Variants in HECW2 observed in about 807,000 individuals in gnomAD.
HECW2 encodes the protein HECT, C2 and WW domain containing E3 ubiquitin protein ligase 2, also known as E3 ubiquitin-protein ligase HECW2.
In HECW2, 61 loss-of-function variants were observed where a neutral mutation model predicts 175.2. The ratio of observed to expected loss-of-function variants is 0.35; its 90% CI spans 0.28 to 0.43. The LOEUF (loss-of-function observed/expected upper bound fraction) is 0.43. HECW2 is among the 20% of genes least tolerant of loss of function. The pLI is 1.00. For missense variants in HECW2, 1,524 were observed against 2,000.5 expected (o/e 0.76, Z 4.54); for synonymous variants, 671 against 731.0 (o/e 0.92, Z 1.32).
intron 1 of HECW2, among the ~76,000 whole-genome samples, chr2:196,439,031 G>T (rs567976217): frequency 6.6e-6 from 1 of 152,016 alleles, no homozygotes; most frequent in Non-Finnish European, 1.5e-5. Context: ...AATATATACC[G>T]GTTATTTGTA....
chr2:196,469,135 G>A (rs1261166420), intron 1 of HECW2, among the ~76,000 whole-genome samples: 1 of 138,044 alleles, frequency 7.2e-6, no homozygotes, highest in African/African-American at 3.2e-5. Context: ...GTGTGTGTGT[G>A]TGTGTGTGTG....
At chr2:196,427,986 C>G (rs151112666) in intron 2 of HECW2, among the ~76,000 whole-genome samples, 175 of 152,278 alleles carry the variant, frequency 1.1e-3, no homozygotes, top group African/African-American at 3.6e-3. Flanking sequence ...TGTTTTCCCT[C>G]CAGATTAGAA....
intron 2 of HECW2, among the ~76,000 whole-genome samples, chr2:196,424,273 C>T (rs1217044203): frequency 3.3e-5 from 5 of 151,982 alleles, no homozygotes; most frequent in Non-Finnish European, 7.4e-5. Context: ...CCTCTTTCTC[C>T]CTCTCTTCAG....
chr2:196,308,453 C>CA (rs35636423), intron 10 of HECW2, among the ~76,000 whole-genome samples: 85 of 152,050 alleles, frequency 5.6e-4, no homozygotes, highest in African/African-American at 1.8e-3. Flanking sequence ...TTATTTTCAC[C>CA]AAAAAAACCT....
At chr2:196,211,911 C>T (rs1164773018) in intron 28 of HECW2, among the ~76,000 whole-genome samples, 5 of 152,132 alleles carry the variant, frequency 3.3e-5, no homozygotes, top group South Asian at 4.1e-4. Context: ...ATTGCCATCT[C>T]GGCTCACTGC....
At chr2:196,273,932 G>A in intron 16 of HECW2, 89 bp downstream of exon 16, 1 of 901,086 alleles carries the variant, frequency 1.1e-6, no homozygotes, top group Non-Finnish European at 1.7e-6. Flanking sequence ...AAAAGTAGCA[G>A]GCTAACAACA....
chr2:196,247,948 CTA>C (rs1559462578), intron 19 of HECW2, among the ~76,000 whole-genome samples: 1 of 152,190 alleles, frequency 6.6e-6, no homozygotes, highest in Non-Finnish European at 1.5e-5. Context: ...CAAAAAATCC[CTA>C]TGACATTTAA....
chr2:196,297,653 C>A (rs1042025419), intron 13 of HECW2, among the ~76,000 whole-genome samples: 2 of 152,158 alleles, frequency 1.3e-5, no homozygotes, highest in African/African-American at 4.8e-5. Context: ...TAAAGTCTTT[C>A]TTTCATATTT....
chr2:196,365,377 T>C (rs1310132929), intron 2 of HECW2, among the ~76,000 whole-genome samples: 1 of 152,342 alleles, frequency 6.6e-6, no homozygotes, highest in African/African-American at 2.4e-5. Flanking sequence ...AATCCCATTA[T>C]GAATTTCCTT....
intron 2 of HECW2, among the ~76,000 whole-genome samples, chr2:196,350,077 T>C (rs535510110): frequency 2.6e-5 from 4 of 152,290 alleles, no homozygotes; most frequent in Non-Finnish European, 5.9e-5. Flanking sequence ...TTCTTTAAAA[T>C]GCTACTTCCT....
At chr2:196,377,438 C>T (rs181842559) in intron 2 of HECW2, among the ~76,000 whole-genome samples, 1 of 152,294 alleles carries the variant, frequency 6.6e-6, no homozygotes, top group Admixed American at 6.5e-5. Flanking sequence ...GCTAGGGAGG[C>T]CCCACAATCA....
intron 19 of HECW2, among the ~76,000 whole-genome samples, chr2:196,249,605 A>G (rs1688783004): frequency 6.6e-6 from 1 of 152,164 alleles, no homozygotes; most frequent in Non-Finnish European, 1.5e-5. Context: ...CCACTTAAAA[A>G]AATCTGTTTG....
chr2:196,319,900 G>C lies in HECW2; in HGVS notation c.990C>G (p.Ala330=), dbSNP rs2105760426. Residue 330 remains alanine (A), a synonymous_variant, in exon 9 of 29, where the codon GCC becomes GCG. Coordinates refer to ENST00000644978, the MANE Select transcript of HECW2 (RefSeq NM_001348768.2). The stretch of plus-strand genomic sequence containing the variant: ...GTATTGTGCCAACAGCTTCTGGAGA[G>C]GCATCTGAATGAGAAAACAGCATTT... ...VEVTSSVHED[A]SPEAVGTILG... 1.9e-6 allele frequency: 3 copies of C among 1,586,064 alleles called. No homozygotes were observed. Among genetic ancestry groups the C allele is most frequent in the Non-Finnish European group, 2.6e-6 (3 of 1,163,072 alleles).
At chr2:196,377,703 A>T (rs1694090883) in intron 2 of HECW2, among the ~76,000 whole-genome samples, 1 of 152,238 alleles carries the variant, frequency 6.6e-6, no homozygotes, top group South Asian at 2.1e-4. Context: ...GATTTTCCTG[A>T]AATATCCTCA....
intron 22 of HECW2, among the ~76,000 whole-genome samples, chr2:196,227,390 G>A (rs1322423452): frequency 2.0e-5 from 3 of 152,184 alleles, no homozygotes; most frequent in African/African-American, 7.2e-5. Context: ...TGGAAAGAGT[G>A]CAATTTGGGA....
chr2:196,338,158 G>A (rs925412890), intron 3 of HECW2, among the ~76,000 whole-genome samples: 11 of 152,172 alleles, frequency 7.2e-5, no homozygotes, highest in African/African-American at 2.7e-4. Context: ...AGTTGGGGAG[G>A]CGGAGGGGCT....
chr2:196,233,757 A>G (rs1353212970), intron 21 of HECW2, among the ~76,000 whole-genome samples: 1 of 152,198 alleles, frequency 6.6e-6, no homozygotes, highest in African/African-American at 2.4e-5. Flanking sequence ...TTTTTGGAAG[A>G]AAAAAAGGGA....
At chr2:196,577,903 G>T (rs184415721) in intron 1 of HECW2, among the ~76,000 whole-genome samples, 4 of 152,198 alleles carry the variant, frequency 2.6e-5, no homozygotes, top group Admixed American at 6.5e-5. Flanking sequence ...CCACATCCTC[G>T]AGAGGGAGGA....
intron 22 of HECW2, among the ~76,000 whole-genome samples, chr2:196,227,400 AT>A (rs1687890766): frequency 6.6e-6 from 1 of 152,020 alleles, no homozygotes; most frequent in Non-Finnish European, 1.5e-5. Flanking sequence ...GCAATTTGGG[AT>A]TTTCAGCATA....
Sources: gnomAD v4.1 joint callset for allele counts (sites outside exome capture counted in the v4.1 genomes callset) on GRCh38, gnomAD v4.1.1 for gene constraint, MANE v1.5 for transcripts, NCBI Gene and HGNC (gene_info 2026-07-23, HGNC 2026-07-21) for gene names.